Variants in ADAM7 observed in about 807,000 individuals in gnomAD.
ADAM7 encodes disintegrin and metalloproteinase domain-containing protein 7.
In ADAM7, 97 loss-of-function variants were observed where a neutral mutation model predicts 102.9. That is an observed-to-expected ratio of 0.94 (90% CI 0.80 to 1.12). The LOEUF (loss-of-function observed/expected upper bound fraction) is 1.12. ADAM7 is among the 50% of genes most tolerant of loss of function. ADAM7 has a pLI of 0.00. For synonymous variants in ADAM7, 334 were observed against 304.4 expected, an observed-to-expected ratio of 1.10 and a Z score of -1.01; for missense variants, 991 against 908.7, an observed-to-expected ratio of 1.09 and a Z score of -1.16.
chr8:24,467,142 G>C, intron 6 of ADAM7, 154 bp downstream of exon 6: 1 of 704,690 alleles, frequency 1.4e-6, no homozygotes, highest in Non-Finnish European at 2.3e-6. Context: ...ATTTTTTCTT[G>C]TCTATGTAAA....
At chr8:24,468,743 A>C (rs567217705) in intron 6 of ADAM7, 24 bp from the exon 7 acceptor site, 2 of 1,608,728 alleles carry the variant, frequency 1.2e-6, no homozygotes, top group Admixed American at 3.3e-5. Flanking sequence ...CTATACTTCA[A>C]CTGAATTTTC....
chr8:24,444,076 A>G (rs1033981072), intron 2 of ADAM7, among the ~76,000 whole-genome samples: 3 of 151,530 alleles, frequency 2.0e-5, no homozygotes, highest in South Asian at 2.1e-4. Context: ...TCAAACAGAC[A>G]AAACAAAATT....
rs1209599273 is a variant in ADAM7 at position 24,464,821 on chromosome 8, G to A, written c.312+861G>A. Among the ~76,000 whole-genome samples, 11 of 110,990 alleles carry A rather than the reference G, an allele frequency of 9.9e-5. 2 individuals carry two copies. The highest frequency in any genetic ancestry group is 4.8e-4 in the East Asian group (2 of 4,206). The allele number at this position is 110,990 out of a possible 152,430, so 72.8% of individuals were successfully genotyped here. A position where few individuals can be genotyped will look rare whatever the true frequency, so the allele number is the denominator to read the frequency against. ...TCACCATGTTGGCCAGGATGGTCTC[G>A]ATCTCTCCAGGCTGGAGCGCAGCGG... On this transcript the variant is annotated intron_variant, in intron 4 of 21. Transcript: ENST00000175238.
Position 24,468,771 on chromosome 8 carries a change from T to C in ADAM7, c.584T>C (p.Ile195Thr), listed in dbSNP as rs376054284. The change falls in exon 7 of 22, where the codon ATC becomes ACC. Residue 195 changes from isoleucine to threonine, a missense_variant. Ile to Thr is a moderately conservative substitution (Grantham distance 89). Coordinates refer to ENST00000175238, the MANE Select transcript of ADAM7 (RefSeq NM_003817.4). ...ESEEDSKIKG[I>T]HDEKYVELFI... ...GAATTTTCCCTAACTTTACAGGGCA[T>C]CCATGATGAAAAGTATGTTGAATTG... 2.7e-5 allele frequency: 43 copies of C among 1,613,200 alleles called. No homozygotes were observed. The highest frequency in any genetic ancestry group is 3.1e-5 in the Non-Finnish European group (37 of 1,179,672).
At chr8:24,441,881 C>T (rs531087149) in intron 1 of ADAM7, among the ~76,000 whole-genome samples, 101 of 152,194 alleles carry the variant, frequency 6.6e-4, no homozygotes, top group African/African-American at 2.1e-3. Context: ...GATAACAAAA[C>T]GACAACTGCA....
chr8:24,451,647 C>G (rs1818794936), intron 3 of ADAM7, among the ~76,000 whole-genome samples: 1 of 151,610 alleles, frequency 6.6e-6, no homozygotes, highest in Admixed American at 6.6e-5. Context: ...GTCTCTATTT[C>G]CTTCAGTTCT....
intron 4 of ADAM7, among the ~76,000 whole-genome samples, chr8:24,464,491 C>T (rs901643456): frequency 5.3e-5 from 8 of 151,986 alleles, no homozygotes; most frequent in Admixed American, 6.6e-5. Flanking sequence ...TTTTTACATC[C>T]CCATTGCTTT....
In ADAM7 at chr8:24,508,450, G is replaced by T. The variant is rs145561191; in HGVS notation, c.*-96G>T. 542 of 1,269,618 alleles carry T rather than the reference G, an allele frequency of 4.3e-4. 1 individual carries two copies. The African/African-American group carries it at 7.2e-3, about 17-fold the overall frequency. The allele number at this position is 1,269,618 out of a possible 1,614,324, so 78.6% of individuals were successfully genotyped here. On this transcript the variant is annotated intron_variant, in intron 21 of 21. Transcript: ENST00000175238. ...ATGTAGGACTACAGAACACAGAAAG[G>T]TTATTCTAATTAGTAGATATAAATG...
chr8:24,457,293 A>T, intron 3 of ADAM7, among the ~76,000 whole-genome samples: 1 of 150,988 alleles, frequency 6.6e-6, no homozygotes, highest in Admixed American at 6.6e-5. Flanking sequence ...GTTCGAGGAG[A>T]TTTTTTTTTC....
chr8:24,483,110 G>C (rs1820015942), intron 9 of ADAM7, among the ~76,000 whole-genome samples: 1 of 152,102 alleles, frequency 6.6e-6, no homozygotes, highest in Non-Finnish European at 1.5e-5. Flanking sequence ...AGTGAAACCT[G>C]TCAGAGCTTT....
At chr8:24,504,360 C>G (rs1484359681) in intron 20 of ADAM7, among the ~76,000 whole-genome samples, 1 of 151,574 alleles carries the variant, frequency 6.6e-6, no homozygotes, top group African/African-American at 2.4e-5. Context: ...ATAGTGATAC[C>G]CTGTCTCAAA....
At chr8:24,452,428 CT>C (rs1818833286) in intron 3 of ADAM7, among the ~76,000 whole-genome samples, 1 of 148,786 alleles carries the variant, frequency 6.7e-6, no homozygotes, top group Admixed American at 6.7e-5. Context: ...CTCTTTTGAT[CT>C]TTGTTGGTTT....
chr8:24,484,236 T>C (rs1313044381), intron 9 of ADAM7, among the ~76,000 whole-genome samples: 6 of 152,068 alleles, frequency 3.9e-5, no homozygotes, highest in Admixed American at 3.9e-4. Flanking sequence ...AACATTTCAA[T>C]AATAAAGAGA....
At chr8:24,470,207 C>T (rs1298457128) in intron 7 of ADAM7, among the ~76,000 whole-genome samples, 1 of 151,978 alleles carries the variant, frequency 6.6e-6, no homozygotes, top group African/African-American at 2.4e-5. Context: ...GATACAGTTT[C>T]TAGAAAGTAA....
chr8:24,499,402 G>T, intron 17 of ADAM7, 86 bp downstream of exon 17: 2 of 921,710 alleles, frequency 2.2e-6, no homozygotes, highest in Non-Finnish European at 3.1e-6. Context: ...GTATATGTAT[G>T]TATATATGTA....
chr8:24,502,479 G>C (rs1820795952), intron 20 of ADAM7, among the ~76,000 whole-genome samples: 1 of 151,844 alleles, frequency 6.6e-6, no homozygotes. Context: ...ATTTTGAGAA[G>C]ATTAATAAAT....
chr8:24,492,297 A>T (rs1820387261), intron 14 of ADAM7, 198 bp from the exon 15 acceptor site: 1 of 681,456 alleles, frequency 1.5e-6, no homozygotes, highest in African/African-American at 1.8e-5. Flanking sequence ...TATATGAGCT[A>T]TGTATATTTG....
chr8:24,460,252 A>T (rs1819191701), intron 3 of ADAM7, among the ~76,000 whole-genome samples: 1 of 152,076 alleles, frequency 6.6e-6, no homozygotes, highest in Non-Finnish European at 1.5e-5. Flanking sequence ...TATCTTTTGT[A>T]AGATGGAAAT....
chr8:24,504,953 C>A (rs1820900041), intron 20 of ADAM7, among the ~76,000 whole-genome samples: 1 of 151,906 alleles, frequency 6.6e-6, no homozygotes, highest in Non-Finnish European at 1.5e-5. Flanking sequence ...TTAGAATGGA[C>A]AAAATAACAA....
Sources: allele counts gnomAD v4.1 joint callset (sites outside exome capture counted in the v4.1 genomes callset), GRCh38; gene constraint gnomAD v4.1.1; transcripts MANE v1.5; gene names NCBI Gene and HGNC (gene_info 2026-07-23, HGNC 2026-07-21).